ANKRD55: variants seen among roughly 807,000 people sequenced by gnomAD.
ANKRD55 encodes the protein ankyrin repeat domain 55, also known as ankyrin repeat domain-containing protein 55.
In ANKRD55, 41 loss-of-function variants were observed where a neutral mutation model predicts 60.6. That is an observed-to-expected ratio of 0.68 (90% CI 0.53 to 0.88). The LOEUF (loss-of-function observed/expected upper bound fraction) is 0.88. Ranked by LOEUF, ANKRD55 falls within the 40% of genes least tolerant of loss-of-function variation. The pLI is 0.00. For missense variants in ANKRD55, 732 were observed against 767.6 expected, an observed-to-expected ratio of 0.95 and a Z score of 0.55; for synonymous variants, 264 against 290.3, an observed-to-expected ratio of 0.91 and a Z score of 0.92.
At chr5:56,152,683 C>CT (rs374694305) in intron 6 of ANKRD55, among the ~76,000 whole-genome samples, 1 of 152,114 alleles carries the variant, frequency 6.6e-6, no homozygotes, top group Non-Finnish European at 1.5e-5. Flanking sequence ...ACCTATCTTG[C>CT]TTTTTTCAGT....
At chr5:56,192,783 T>C in intron 2 of ANKRD55, 7 of 1,009,118 alleles carry the variant, frequency 6.9e-6, no homozygotes, top group Non-Finnish European at 1.0e-5. Flanking sequence ...AACACAGACA[T>C]CGCTGAAAAC....
chr5:56,197,044 A>AC (rs1293831735), intron 2 of ANKRD55, among the ~76,000 whole-genome samples: 2 of 152,192 alleles, frequency 1.3e-5, no homozygotes, highest in Admixed American at 1.3e-4. Context: ...TAGTTTGAGA[A>AC]CCACTGCCAA....
In ANKRD55 at chr5:56,104,274, C is replaced by T. The variant is rs1756382659; in HGVS notation, c.1631-1688G>A. Among the ~76,000 whole-genome samples the T allele has an allele frequency of 2.6e-5, 4 of 152,108 alleles. No homozygotes were observed. The South Asian group carries it at 8.3e-4, about 31-fold the overall frequency. On this transcript the variant is annotated intron_variant, in intron 10 of 11. Coordinates refer to ENST00000341048, the MANE Select transcript of ANKRD55 (RefSeq NM_024669.3). ...ACATTCTATTATCATCCTCATTTTA[C>T]AAATGAGGACCTTGTGACTTGGAGG...
chr5:56,129,187 A>G (rs962759925), intron 7 of ANKRD55, among the ~76,000 whole-genome samples: 6 of 152,206 alleles, frequency 3.9e-5, no homozygotes, highest in Admixed American at 3.9e-4. Context: ...CCTGGGAGGT[A>G]GGGAAAGTCA....
At chr5:56,193,971 G>T (rs183217806) in intron 2 of ANKRD55, among the ~76,000 whole-genome samples, 112 of 152,214 alleles carry the variant, frequency 7.4e-4, no homozygotes, top group Non-Finnish European at 1.1e-3. Flanking sequence ...TAAAACAATT[G>T]AATTTGCTAA....
chr5:56,191,613 C>T (rs189387523), intron 2 of ANKRD55, among the ~76,000 whole-genome samples: 52 of 152,194 alleles, frequency 3.4e-4, no homozygotes, highest in African/African-American at 6.3e-4. Flanking sequence ...AAAAATGGAC[C>T]GAGTCACCTC....
At chr5:56,214,104 C>T (rs1759744980) in intron 2 of ANKRD55, among the ~76,000 whole-genome samples, 1 of 152,220 alleles carries the variant, frequency 6.6e-6, no homozygotes, top group Non-Finnish European at 1.5e-5. Context: ...GAGTCTTATT[C>T]ACTACCACAA....
intron 5 of ANKRD55, among the ~76,000 whole-genome samples, chr5:56,160,102 C>G (rs989874014): frequency 1.8e-4 from 28 of 152,308 alleles, no homozygotes; most frequent in African/African-American, 6.7e-4. Flanking sequence ...GGGCTACTGT[C>G]TGCCTCTCCC....
intron 8 of ANKRD55, among the ~76,000 whole-genome samples, chr5:56,123,797 T>C (rs1229182096): frequency 6.6e-6 from 1 of 152,170 alleles, no homozygotes; most frequent in Admixed American, 6.5e-5. Context: ...AGATAATCTC[T>C]AATATACTCA....
chr5:56,137,226 C>A, intron 7 of ANKRD55: 1 of 1,608,438 alleles, frequency 6.2e-7, no homozygotes. Flanking sequence ...AGGTCGGTGG[C>A]CCAAAAAGAG....
intron 6 of ANKRD55, among the ~76,000 whole-genome samples, chr5:56,154,778 G>T (rs559330283): frequency 1.3e-5 from 2 of 151,930 alleles, no homozygotes; most frequent in African/African-American, 4.8e-5. Context: ...TAGTAGAGAC[G>T]GGGTTTGGCC....
chr5:56,203,603 T>G (rs1372165688), intron 2 of ANKRD55, among the ~76,000 whole-genome samples: 3 of 152,092 alleles, frequency 2.0e-5, no homozygotes, highest in Non-Finnish European at 1.5e-5. Context: ...TTTTGTCCTT[T>G]CGATAGTTTG....
intron 2 of ANKRD55, among the ~76,000 whole-genome samples, chr5:56,223,397 A>G (rs1760022276): frequency 6.6e-6 from 1 of 152,210 alleles, no homozygotes; most frequent in South Asian, 2.1e-4. Context: ...CACTGCAAAA[A>G]CATGACAAAT....
At chr5:56,110,310 G>C (rs1756643217) in intron 10 of ANKRD55, among the ~76,000 whole-genome samples, 1 of 151,710 alleles carries the variant, frequency 6.6e-6, no homozygotes, top group Non-Finnish European at 1.5e-5. Flanking sequence ...GAGGCAGGGG[G>C]ATCGCTTGAA....
intron 2 of ANKRD55, among the ~76,000 whole-genome samples, chr5:56,208,244 T>A (rs1004899582): frequency 2.0e-5 from 3 of 152,062 alleles, no homozygotes; most frequent in South Asian, 4.2e-4. Flanking sequence ...TGCCTTCTTT[T>A]GGAATACCTC....
intron 2 of ANKRD55, among the ~76,000 whole-genome samples, chr5:56,205,204 G>A (rs1759472181): frequency 1.3e-5 from 2 of 152,128 alleles, no homozygotes; most frequent in Admixed American, 6.5e-5. Context: ...GGGATTACAG[G>A]TGCCTGCCAC....
At chr5:56,204,558 C>T (rs1419682948) in intron 2 of ANKRD55, among the ~76,000 whole-genome samples, 1 of 152,104 alleles carries the variant, frequency 6.6e-6, no homozygotes, top group African/African-American at 2.4e-5. Flanking sequence ...GGCACTTCTC[C>T]TTCCTGCTGC....
At chr5:56,186,224 G>C (rs1470475588) in intron 2 of ANKRD55, among the ~76,000 whole-genome samples, 1 of 152,156 alleles carries the variant, frequency 6.6e-6, no homozygotes, top group African/African-American at 2.4e-5. Context: ...CTGGAGTGCA[G>C]TGGCGTGATC....
At chr5:56,208,131 G>C (rs1175152784) in intron 2 of ANKRD55, among the ~76,000 whole-genome samples, 1 of 151,806 alleles carries the variant, frequency 6.6e-6, no homozygotes, top group East Asian at 1.9e-4. Flanking sequence ...CCTACACAGG[G>C]TCAGGATCTT....
Sources: allele counts gnomAD v4.1 joint callset (sites outside exome capture counted in the v4.1 genomes callset), GRCh38; gene constraint gnomAD v4.1.1; transcripts MANE v1.5; gene names NCBI Gene and HGNC (gene_info 2026-07-23, HGNC 2026-07-21).